The following SLCO1B1 variants were observed in gnomAD, a reference collection of about 807,000 sequenced individuals.
SLCO1B1 encodes the protein solute carrier organic anion transporter family member 1B1, also known as OATP-2.
SLCO1B1 carries 81 observed loss-of-function variants against 70.1 expected under a neutral mutation model. That is an observed-to-expected ratio of 1.16 (90% CI 0.97 to 1.39). SLCO1B1 has a LOEUF of 1.39. Among genes scored for constraint, SLCO1B1 ranks in the 40% most tolerant of loss-of-function variants. The pLI, the probability that SLCO1B1 is intolerant of heterozygous loss-of-function variation, is 0.00. For synonymous variants in SLCO1B1, 283 were observed against 271.5 expected, an observed-to-expected ratio of 1.04 and a Z score of -0.42; for missense variants, 895 against 799.6, an observed-to-expected ratio of 1.12 and a Z score of -1.44.
At chr12:21,212,527 A>C (rs1176604126) in intron 11 of SLCO1B1, among the ~76,000 whole-genome samples, 1 of 136,406 alleles carries the variant, frequency 7.3e-6, no homozygotes, top group Non-Finnish European at 1.6e-5. Flanking sequence ...GTGCTGAAAA[A>C]AATGTATATT....
chr12:21,144,980 G>A (rs1396345088), intron 2 of SLCO1B1, among the ~76,000 whole-genome samples: 3 of 152,076 alleles, frequency 2.0e-5, no homozygotes, highest in Non-Finnish European at 4.4e-5. Flanking sequence ...AGAGCCCACA[G>A]ACATTATAAA....
chr12:21,210,906 A>C (rs1158037814), intron 11 of SLCO1B1, among the ~76,000 whole-genome samples: 1 of 151,914 alleles, frequency 6.6e-6, no homozygotes, highest in African/African-American at 2.4e-5. Context: ...TTGTACATTG[A>C]TTTTGTATCC....
At position 21,196,166 on chromosome 12, in the gene SLCO1B1, G is replaced by A. The variant is rs145839400; in HGVS notation, c.728-780G>A. Among the ~76,000 whole-genome samples, 34 of 152,198 alleles carry A rather than the reference G, an allele frequency of 2.2e-4. No individual in the cohort carries two copies. In the East Asian group the frequency reaches 2.5e-3, roughly 11 times the overall value. On this transcript the variant is annotated intron_variant, in intron 7 of 14. Transcript: ENST00000256958. ...GGATTTTCCACTAATGGAATTGATC[G>A]CTGTATAATTGTTGAATAAAATATT...
chr12:21,209,586 G>A (rs542817063), intron 11 of SLCO1B1, among the ~76,000 whole-genome samples: 1 of 152,234 alleles, frequency 6.6e-6, no homozygotes, highest in South Asian at 2.1e-4. Flanking sequence ...TAATGGGATG[G>A]CTGGGTCAAA....
chr12:21,219,836 C>T (rs1941401671), intron 12 of SLCO1B1, among the ~76,000 whole-genome samples: 1 of 114,648 alleles, frequency 8.7e-6, no homozygotes, highest in Non-Finnish European at 1.9e-5. Flanking sequence ...CCTTGGATTG[C>T]TGCAACCCTC....
intron 11 of SLCO1B1, among the ~76,000 whole-genome samples, chr12:21,216,377 T>C (rs1941357794): frequency 6.6e-6 from 1 of 152,192 alleles, no homozygotes; most frequent in Non-Finnish European, 1.5e-5. Flanking sequence ...TTAGCATTAA[T>C]AGATTCAACG....
chr12:21,134,989 C>T (rs1245637882), intron 1 of SLCO1B1, among the ~76,000 whole-genome samples: 1 of 152,174 alleles, frequency 6.6e-6, no homozygotes, highest in Non-Finnish European at 1.5e-5. Context: ...AAATTTCCCT[C>T]TACACACTGC....
In SLCO1B1 at chr12:21,200,635, G is replaced by A; in HGVS notation, c.1098G>A (p.Gln366=). 1.2e-6 allele frequency: 2 copies of A among 1,612,438 alleles called. No homozygotes were observed. The highest frequency in any genetic ancestry group is 1.7e-6 in the Non-Finnish European group (2 of 1,179,086). Residue 366 remains glutamine, a synonymous_variant, in exon 9 of 15, where the codon CAG becomes CAA. Transcript: ENST00000256958. Reference sequence around the variant, plus strand: ...ATGTCTTCAAATACGTAGAGCAACAGTATGGTCAGCCTTCATCTAAGGCTA... The same window carrying A: ...ATGTCTTCAAATACGTAGAGCAACAATATGGTCAGCCTTCATCTAAGGCTA... ...FTYVFKYVEQ[Q]YGQPSSKANI... is the part of the protein sequence containing the mutation.
At chr12:21,189,454 A>T (rs1031013271) in intron 7 of SLCO1B1, among the ~76,000 whole-genome samples, 1 of 120,164 alleles carries the variant, frequency 8.3e-6, no homozygotes, top group African/African-American at 3.0e-5. Flanking sequence ...TTTTCAAATT[A>T]ATTTTTTTTT....
At chr12:21,222,748 G>A (rs1941443465) in intron 13 of SLCO1B1, among the ~76,000 whole-genome samples, 1 of 151,976 alleles carries the variant, frequency 6.6e-6, no homozygotes, top group Non-Finnish European at 1.5e-5. Context: ...AGTAGGCAGA[G>A]TGAAGGGCCT....
At position 21,239,133 on chromosome 12, in the gene SLCO1B1, A is replaced by G; in HGVS notation, c.2020A>G (p.Asn674Asp). 1 of 1,613,268 alleles carries G rather than the reference A, an allele frequency of 6.2e-7. No individual in the cohort carries two copies. The highest frequency in any genetic ancestry group is 2.2e-5 in the East Asian group (1 of 44,764). Reference sequence around the variant, plus strand: ...GGATGAAGCAAACTTAGAATCCTTAAATAAAAATAAACATTTTGTCCCTTC... The same window carrying G: ...GGATGAAGCAAACTTAGAATCCTTAGATAAAAATAAACATTTTGTCCCTTC... ...VMDEANLESL[N>D]KNKHFVPSAG... The change falls in exon 15 of 15, where the codon AAT becomes GAT. Residue 674 changes from asparagine to aspartate, a missense_variant. Coordinates refer to ENST00000256958, the MANE Select transcript of SLCO1B1 (RefSeq NM_006446.5).
chr12:21,190,308 T>C (rs895531021), intron 7 of SLCO1B1, among the ~76,000 whole-genome samples: 3 of 152,196 alleles, frequency 2.0e-5, no homozygotes, highest in African/African-American at 7.2e-5. Context: ...TTCGGCATTA[T>C]GTCTGTACTA....
intron 2 of SLCO1B1, among the ~76,000 whole-genome samples, chr12:21,158,948 G>A (rs1940576992): frequency 6.6e-6 from 1 of 151,938 alleles, no homozygotes. Context: ...AATTAATAGA[G>A]CAAAGCTATA....
At chr12:21,174,443 CT>C in intron 3 of SLCO1B1, 133 bp from the exon 4 acceptor site, 1 of 827,430 alleles carries the variant, frequency 1.2e-6, no homozygotes, top group Non-Finnish European at 2.0e-6. Context: ...GTGAATTCAC[CT>C]TCTCAATTAA....
chr12:21,226,240 C>G (rs1941481175), intron 14 of SLCO1B1, among the ~76,000 whole-genome samples: 1 of 151,654 alleles, frequency 6.6e-6, no homozygotes, highest in Non-Finnish European at 1.5e-5. Flanking sequence ...ATGACAAAAC[C>G]CTGTCTCTAC....
chr12:21,152,720 A>G (rs1940491046), intron 2 of SLCO1B1, among the ~76,000 whole-genome samples: 1 of 151,908 alleles, frequency 6.6e-6, no homozygotes, highest in Admixed American at 6.6e-5. Flanking sequence ...TTAGGCTCTA[A>G]TAACACACCA....
rs940347789 is a variant in SLCO1B1 at position 21,239,379 on chromosome 12, G to A, written c.*190G>A. ...GGTAGAAAAAATGAGAGTACTCATT[G>A]TTACATTATAGCTACATATTTGTGG... On this transcript the variant is annotated 3_prime_UTR_variant, in exon 15 of 15. Coordinates refer to ENST00000256958, the MANE Select transcript of SLCO1B1 (RefSeq NM_006446.5). The A allele has an allele frequency of 7.0e-5, 39 of 558,474 alleles. No homozygotes were observed. Among genetic ancestry groups the A allele is most frequent in the Non-Finnish European group, 1.2e-4 (37 of 308,996 alleles). The allele number at this position is 558,474 out of a possible 1,614,324, so 34.6% of individuals were successfully genotyped here. A position where few individuals can be genotyped will look rare whatever the true frequency, so the allele number is the denominator to read the frequency against.
Position 21,165,722 on chromosome 12 carries a change from A to AT in SLCO1B1, c.85-6921dup, listed in dbSNP as rs369521583. ...AAGAAAATGCTGGAGAGCTCACTAG[A>AT]TTTTTTTCCTCCATGTGAGAATACA... On this transcript the variant is annotated intron_variant, in intron 2 of 14. Transcript: ENST00000256958. Among the ~76,000 whole-genome samples, 8 of 152,092 alleles carry AT rather than the reference A, an allele frequency of 5.3e-5. No homozygotes were observed. The South Asian group carries it at 1.2e-3, about 24-fold the overall frequency.
At chr12:21,237,720 T>A (rs1213618164) in intron 14 of SLCO1B1, among the ~76,000 whole-genome samples, 6 of 43,218 alleles carry the variant, frequency 1.4e-4, no homozygotes, top group Admixed American at 1.3e-3. Context: ...TTCTTAGTAA[T>A]TTTTTTTTTT....
Sources: allele counts gnomAD v4.1 joint callset (sites outside exome capture counted in the v4.1 genomes callset), GRCh38; gene constraint gnomAD v4.1.1; transcripts MANE v1.5; gene names NCBI Gene and HGNC (gene_info 2026-07-23, HGNC 2026-07-21).